Variants in MPDZ observed in about 807,000 individuals in gnomAD.
MPDZ encodes multiple PDZ domain protein.
A neutral mutation model predicts 239.1 loss-of-function variants in MPDZ; 234 were observed. The observed-to-expected ratio is 0.98, with a 90% CI of 0.88 to 1.09. MPDZ has a LOEUF of 1.09. Ranked by LOEUF, MPDZ falls within the 50% of genes least tolerant of loss-of-function variation. MPDZ has a pLI of 0.00. For missense variants in MPDZ, 3,175 were observed against 2,510.0 expected (o/e 1.26, Z -5.66); for synonymous variants, 1,048 against 881.3 (o/e 1.19, Z -3.35).
At position 13,106,851 on chromosome 9, in the gene MPDZ, C is replaced by T. The variant is rs1028025519; in HGVS notation, c.*114G>A. The stretch of plus-strand genomic sequence containing the variant: ...AAAGAAACTTAAGTGTTATTTCCCC[C>T]CTACAGTTTTGAAGACCCGGCTGAA... On this transcript the variant is annotated 3_prime_UTR_variant, in exon 47 of 47. Transcript: ENST00000319217. 1.4e-5 allele frequency: 16 copies of T among 1,141,906 alleles called. No homozygotes were observed. In the African/African-American group the frequency reaches 2.1e-4, roughly 15 times the overall value. The allele number at this position is 1,141,906 out of a possible 1,614,324, so 70.7% of individuals were successfully genotyped here.
At chr9:13,229,108 A>C (rs573133958) in intron 3 of MPDZ, among the ~76,000 whole-genome samples, 10 of 152,292 alleles carry the variant, frequency 6.6e-5, no homozygotes, top group South Asian at 4.1e-4. Flanking sequence ...CTTTAGTTCT[A>C]TATACAATGA....
chr9:13,239,817 G>A (rs1429018898), intron 3 of MPDZ, among the ~76,000 whole-genome samples: 3 of 152,080 alleles, frequency 2.0e-5, no homozygotes. Flanking sequence ...TCCTTTTTAT[G>A]CTTGTTAAGA....
intron 38 of MPDZ, chr9:13,120,591 C>T (rs139219000): frequency 6.6e-6 from 1 of 152,218 alleles, no homozygotes; most frequent in African/African-American, 2.4e-5. Flanking sequence ...CATATTCCCA[C>T]TGACACTCAA....
At chr9:13,271,632 T>C (rs1163524434) in intron 1 of MPDZ, among the ~76,000 whole-genome samples, 2 of 152,210 alleles carry the variant, frequency 1.3e-5, no homozygotes, top group African/African-American at 2.4e-5. Context: ...TAAATGTTAA[T>C]CTGTGTTCTG....
chr9:13,122,641 C>T (rs1944527759), intron 36 of MPDZ, among the ~76,000 whole-genome samples: 1 of 151,968 alleles, frequency 6.6e-6, no homozygotes, highest in African/African-American at 2.4e-5. Context: ...CTGCCTCAAC[C>T]TCCCAAGTAG....
At chr9:13,255,581 G>A (rs550972943) in intron 1 of MPDZ, among the ~76,000 whole-genome samples, 7 of 152,268 alleles carry the variant, frequency 4.6e-5, no homozygotes, top group South Asian at 4.1e-4. Flanking sequence ...TTGTGTTAGC[G>A]ACATGAAAAC....
rs1160593407 is a variant in MPDZ, at chr9:13,219,766, A to G, written c.879T>C (p.His293=). Residue 293 remains histidine, a splice_region_variant and synonymous_variant, in exon 8 of 47, where the codon CAT becomes CAC. Transcript: ENST00000319217. ...TILPGGVADQ[H]GRLCSGDHIL... is the part of the protein sequence containing the mutation. Reference sequence around the variant, plus strand: ...TGTGGTCTCCACTGCATAAACGCCCATGCTGAGTAAAACAATATTGAATAA... The same window carrying G: ...TGTGGTCTCCACTGCATAAACGCCCGTGCTGAGTAAAACAATATTGAATAA... The G allele has an allele frequency of 3.1e-6, 5 of 1,612,024 alleles. No homozygotes were observed. The African/African-American group carries it at 5.3e-5, about 17-fold the overall frequency.
intron 35 of MPDZ, among the ~76,000 whole-genome samples, chr9:13,124,214 C>A (rs1294071274): frequency 1.3e-5 from 2 of 152,178 alleles, no homozygotes; most frequent in African/African-American, 4.8e-5. Context: ...TCTAGCATTT[C>A]ATATTTTTAT....
At chr9:13,177,316 T>C (rs958264499) in intron 19 of MPDZ, among the ~76,000 whole-genome samples, 2 of 152,152 alleles carry the variant, frequency 1.3e-5, no homozygotes, top group Admixed American at 6.6e-5. Flanking sequence ...TACAGACATA[T>C]ACTGTGTATG....
chr9:13,272,203 C>T (rs1244915863), intron 1 of MPDZ, among the ~76,000 whole-genome samples: 1 of 152,124 alleles, frequency 6.6e-6, no homozygotes, highest in African/African-American at 2.4e-5. Flanking sequence ...CAGTTAAACA[C>T]TCCCTCCCAC....
intron 42 of MPDZ, 98 bp downstream of exon 42, chr9:13,112,913 A>G (rs1316138712): frequency 3.4e-6 from 4 of 1,162,318 alleles, no homozygotes; most frequent in East Asian, 2.6e-5. Context: ...ACTTTTTGAG[A>G]TGAATACTTT....
At position 13,143,699 on chromosome 9, in the gene MPDZ, C is replaced by T. The variant is rs752358809; in HGVS notation, c.3742-135G>A. 18 of 706,844 alleles carry T rather than the reference C, an allele frequency of 2.5e-5. 1 individual carries two copies. The Middle Eastern group carries it at 1.1e-3, about 44-fold the overall frequency. The allele number at this position is 706,844 out of a possible 1,614,324, so 43.8% of individuals were successfully genotyped here. On this transcript the variant is annotated intron_variant, in intron 26 of 46. Transcript: ENST00000319217. Reference sequence around the variant, plus strand: ...TCCTATCAGATCCAGTCATTAATAGCAACATCTTAAAACAGTCTGGAACTA... The same window carrying T: ...TCCTATCAGATCCAGTCATTAATAGTAACATCTTAAAACAGTCTGGAACTA...
At chr9:13,173,940 C>T (rs1284796634) in intron 21 of MPDZ, among the ~76,000 whole-genome samples, 1 of 152,268 alleles carries the variant, frequency 6.6e-6, no homozygotes, top group East Asian at 1.9e-4. Context: ...ACAAACCCAT[C>T]CAGCAGTTGT....
At position 13,110,679 on chromosome 9, in the gene MPDZ, G is replaced by A; in HGVS notation, c.5786C>T (p.Ala1929Val). The change falls in exon 44 of 47, where the codon GCA (alanine) becomes GTA (valine). Residue 1929 changes from alanine to valine, a missense_variant. Coordinates refer to ENST00000319217, the MANE Select transcript of MPDZ (RefSeq NM_001378778.1). Reference sequence around the variant, plus strand: ...AGATGCATTTTTCAGTAGGTTAACTGCTTGGGTGTGAGTCATGCCCTCAGT... The same window carrying A: ...AGATGCATTTTTCAGTAGGTTAACTACTTGGGTGTGAGTCATGCCCTCAGT... ...TSTEGMTHTQ[A>V]VNLLKNASGS... 1 of 1,613,702 alleles carries A rather than the reference G, an allele frequency of 6.2e-7. No homozygotes were observed. The highest frequency in any genetic ancestry group is 8.5e-7 in the Non-Finnish European group (1 of 1,179,766).
At chr9:13,149,192 CA>C (rs892921774) in intron 25 of MPDZ, among the ~76,000 whole-genome samples, 32 of 145,614 alleles carry the variant, frequency 2.2e-4, no homozygotes, top group South Asian at 2.2e-4. Context: ...AAACGGTCAT[CA>C]AAAAAAAAAG....
chr9:13,205,737 C>T (rs1327401736), intron 11 of MPDZ, among the ~76,000 whole-genome samples, 179 bp downstream of exon 11: 1 of 152,114 alleles, frequency 6.6e-6, no homozygotes, highest in Non-Finnish European at 1.5e-5. Flanking sequence ...ATTGCTGGTT[C>T]CAGTCAATCC....
At chr9:13,256,492 C>T (rs993570596) in intron 1 of MPDZ, among the ~76,000 whole-genome samples, 1 of 152,154 alleles carries the variant, frequency 6.6e-6, no homozygotes, top group African/African-American at 2.4e-5. Context: ...AAGTGAGAGG[C>T]ATGCAACTCT....
chr9:13,113,196 T>C (rs1942793182), intron 41 of MPDZ, 142 bp from the exon 42 acceptor site: 2 of 656,020 alleles, frequency 3.0e-6, no homozygotes, highest in Non-Finnish European at 5.3e-6. Flanking sequence ...CTAGTACACA[T>C]GATTAGATCT....
chr9:13,149,059 G>A (rs1219010657), intron 25 of MPDZ, among the ~76,000 whole-genome samples: 1 of 151,476 alleles, frequency 6.6e-6, no homozygotes, highest in Non-Finnish European at 1.5e-5. Flanking sequence ...AAACTTCTTA[G>A]TGACAATCCA....
Sources: allele counts gnomAD v4.1 joint callset (sites outside exome capture counted in the v4.1 genomes callset), GRCh38; gene constraint gnomAD v4.1.1; transcripts MANE v1.5; gene names NCBI Gene and HGNC (gene_info 2026-07-23, HGNC 2026-07-21).